CNTNAP2: variants seen among roughly 807,000 people sequenced by gnomAD.
The protein encoded by CNTNAP2 is contactin-associated protein-like 2.
CNTNAP2 carries 98 observed loss-of-function variants against 155.2 expected under a neutral mutation model. The observed-to-expected ratio is 0.63, with a 90% CI of 0.54 to 0.75. The LOEUF is 0.75. CNTNAP2 is among the 30% of genes least tolerant of loss of function. The probability of loss-of-function intolerance (pLI) is 0.00; values close to 1 mark genes in which losing one functional copy is unlikely to be tolerated. For synonymous variants in CNTNAP2, 651 were observed against 631.2 expected (o/e 1.03, Z -0.47); for missense variants, 1,727 against 1,688.1 (o/e 1.02, Z -0.40).
At chr7:148,027,667 A>G (rs1034011735) in intron 15 of CNTNAP2, among the ~76,000 whole-genome samples, 1 of 152,228 alleles carries the variant, frequency 6.6e-6, no homozygotes, top group Non-Finnish European at 1.5e-5. Flanking sequence ...TAACAATCAT[A>G]CCATCAAGCA....
intron 21 of CNTNAP2, among the ~76,000 whole-genome samples, chr7:148,358,954 G>C (rs776795753): frequency 6.6e-6 from 1 of 152,178 alleles, no homozygotes; most frequent in African/African-American, 2.4e-5. Context: ...GGACTCCTTA[G>C]CTCTTCCGAA....
At chr7:147,900,153 C>A (rs1435006005) in intron 13 of CNTNAP2, among the ~76,000 whole-genome samples, 1 of 152,124 alleles carries the variant, frequency 6.6e-6, no homozygotes, top group African/African-American at 2.4e-5. Flanking sequence ...CTGTGTTTTT[C>A]TCCCATCACC....
chr7:146,558,753 T>C (rs1473875463), intron 1 of CNTNAP2, among the ~76,000 whole-genome samples: 1 of 152,156 alleles, frequency 6.6e-6, no homozygotes, highest in Non-Finnish European at 1.5e-5. Flanking sequence ...AACACTATCT[T>C]CTCCCATATC....
chr7:147,907,967 G>C (rs1321772723), intron 14 of CNTNAP2, among the ~76,000 whole-genome samples: 2 of 150,494 alleles, frequency 1.3e-5, no homozygotes, highest in Non-Finnish European at 3.0e-5. Context: ...TAGTAGAGAT[G>C]GGGTTTCACC....
intron 1 of CNTNAP2, among the ~76,000 whole-genome samples, chr7:146,665,783 T>TTAAAAAAAAAAAAA (rs1800180044): frequency 2.1e-5 from 1 of 48,282 alleles, no homozygotes; most frequent in Non-Finnish European, 3.6e-5. Flanking sequence ...TCTGTCTCAT[T>TTAAAAAAAAAAAAA]AAAAAAAAAA....
chr7:146,439,437 G>A (rs780336990), intron 1 of CNTNAP2, among the ~76,000 whole-genome samples: 3 of 151,382 alleles, frequency 2.0e-5, no homozygotes, highest in Admixed American at 6.6e-5. Context: ...CAAGGAACTT[G>A]TTGGACATTT....
At chr7:146,203,321 G>C (rs1191766312) in intron 1 of CNTNAP2, among the ~76,000 whole-genome samples, 1 of 152,198 alleles carries the variant, frequency 6.6e-6, no homozygotes, top group East Asian at 1.9e-4. Context: ...TGATGGACAA[G>C]CTACAAATCA....
chr7:147,901,733 C>G (rs1799871738), intron 13 of CNTNAP2, among the ~76,000 whole-genome samples: 1 of 152,158 alleles, frequency 6.6e-6, no homozygotes, highest in Admixed American at 6.5e-5. Context: ...TTTGCCTCCC[C>G]CACTCTCCTC....
intron 15 of CNTNAP2, 30 bp downstream of exon 15, chr7:147,978,019 C>T (rs1801460697): frequency 1.2e-6 from 2 of 1,613,094 alleles, no homozygotes; most frequent in East Asian, 2.2e-5. Context: ...ATGGCTTGCA[C>T]TTTCTTATCC....
At chr7:146,710,224 A>G (rs1801039413) in intron 1 of CNTNAP2, among the ~76,000 whole-genome samples, 1 of 152,190 alleles carries the variant, frequency 6.6e-6, no homozygotes, top group Non-Finnish European at 1.5e-5. Context: ...CACAAAATCT[A>G]AGAACTACCA....
intron 11 of CNTNAP2, among the ~76,000 whole-genome samples, chr7:147,546,848 A>C (rs1799743944): frequency 6.6e-6 from 1 of 152,092 alleles, no homozygotes; most frequent in Non-Finnish European, 1.5e-5. Context: ...TGTTCGAGTG[A>C]CTCCAAGGGC....
intron 5 of CNTNAP2, among the ~76,000 whole-genome samples, chr7:147,112,375 C>T (rs1337285275): frequency 1.3e-5 from 2 of 152,072 alleles, no homozygotes; most frequent in Non-Finnish European, 2.9e-5. Context: ...TTTCTCTTGT[C>T]TGATTGCCCT....
chr7:146,991,716 A>G (rs1798210268), intron 3 of CNTNAP2, among the ~76,000 whole-genome samples: 1 of 152,152 alleles, frequency 6.6e-6, no homozygotes, highest in Admixed American at 6.6e-5. Flanking sequence ...TGCTCGTGGA[A>G]ACAATTGGGC....
intron 15 of CNTNAP2, among the ~76,000 whole-genome samples, chr7:148,016,034 T>C (rs952953522): frequency 3.0e-4 from 45 of 152,354 alleles, no homozygotes; most frequent in African/African-American, 9.6e-4. Flanking sequence ...AGAAAGTATT[T>C]TGAAGCTGAG....
chr7:148,344,572 G>C (rs187747248), intron 21 of CNTNAP2, among the ~76,000 whole-genome samples: 1 of 152,254 alleles, frequency 6.6e-6, no homozygotes, highest in East Asian at 1.9e-4. Context: ...TTGGAATGTG[G>C]TATGAATCTA....
At chr7:148,045,235 A>C (rs1802754959) in intron 15 of CNTNAP2, among the ~76,000 whole-genome samples, 1 of 152,076 alleles carries the variant, frequency 6.6e-6, no homozygotes, top group Non-Finnish European at 1.5e-5. Context: ...GTGGGGAGCA[A>C]AAGAGATCAC....
intron 14 of CNTNAP2, among the ~76,000 whole-genome samples, chr7:147,949,187 C>A (rs533417209): frequency 4.0e-5 from 6 of 149,148 alleles, no homozygotes; most frequent in Non-Finnish European, 7.4e-5. Flanking sequence ...GCAATAAGAG[C>A]GAAACTCCGT....
intron 1 of CNTNAP2, among the ~76,000 whole-genome samples, chr7:146,135,210 A>G (rs1797779498): frequency 6.6e-6 from 1 of 152,132 alleles, no homozygotes; most frequent in Admixed American, 6.6e-5. Context: ...CACACTTTAG[A>G]GGAAGAAAAT....
chr7:146,847,934 C>A (rs1431226045), intron 3 of CNTNAP2, among the ~76,000 whole-genome samples: 4 of 152,112 alleles, frequency 2.6e-5, no homozygotes, highest in African/African-American at 7.2e-5. Context: ...TGATAAAGTG[C>A]GTTAACTTCG....
Sources: gnomAD v4.1 joint callset for allele counts (sites outside exome capture counted in the v4.1 genomes callset) on GRCh38, gnomAD v4.1.1 for gene constraint, MANE v1.5 for transcripts, NCBI Gene and HGNC (gene_info 2026-07-23, HGNC 2026-07-21) for gene names.